The following LRBA variants were observed in gnomAD, a reference collection of about 807,000 sequenced individuals.
The protein encoded by LRBA is lipopolysaccharide-responsive and beige-like anchor protein.
LRBA carries 176 observed loss-of-function variants against 330.0 expected under a neutral mutation model. The ratio of observed to expected loss-of-function variants is 0.53; its 90% CI spans 0.47 to 0.60. LRBA has a LOEUF of 0.60. LRBA is among the 20% of genes least tolerant of loss of function. The pLI is 0.00. For missense variants in LRBA, 3,259 were observed against 3,444.8 expected (o/e 0.95, Z 1.35); for synonymous variants, 1,230 against 1,193.0 (o/e 1.03, Z -0.64).
At chr4:151,001,076 T>C (rs1044460119) in intron 2 of LRBA, among the ~76,000 whole-genome samples, 11 of 152,030 alleles carry the variant, frequency 7.2e-5, no homozygotes, top group Admixed American at 3.3e-4. Context: ...CTGAGGAAAA[T>C]TGCACTGGGT....
At chr4:150,370,551 G>A (rs1053645945) in intron 47 of LRBA, among the ~76,000 whole-genome samples, 4 of 152,176 alleles carry the variant, frequency 2.6e-5, no homozygotes, top group Admixed American at 2.6e-4. Context: ...GAATGAATAG[G>A]TGGAGCATAA....
intron 36 of LRBA, chr4:150,721,407 G>A (rs188352389): frequency 2.9e-4 from 88 of 302,280 alleles, no homozygotes; most frequent in African/African-American, 1.7e-3. Context: ...CGAAGTCAAA[G>A]TTATAACATA....
At chr4:150,820,949 A>G (rs944951197) in intron 30 of LRBA, among the ~76,000 whole-genome samples, 2 of 152,104 alleles carry the variant, frequency 1.3e-5, no homozygotes, top group African/African-American at 4.8e-5. Flanking sequence ...TAAGCATTTA[A>G]TATTACCTTT....
At chr4:150,355,019 AAACT>A (rs1737651831) in intron 47 of LRBA, among the ~76,000 whole-genome samples, 1 of 151,988 alleles carries the variant, frequency 6.6e-6, no homozygotes, top group African/African-American at 2.4e-5. Flanking sequence ...TGCTTTCCTG[AAACT>A]AACTCACTTA....
In LRBA at chr4:150,883,081, ACTGTG is replaced by A. The variant is rs1728577211; in HGVS notation, c.2165+9966_2165+9970del. ...CCCCCTCCAATTTTCTCCACTTGAG[ACTGTG>A]CTTACACCCCCATTTAACTTTCAGT... On this transcript the variant is annotated intron_variant, in intron 17 of 56. Transcript: ENST00000651943. 3.3e-5 allele frequency among the ~76,000 whole-genome samples: 5 copies of A among 152,252 alleles called. 1 individual carries two copies. The South Asian group carries it at 1.0e-3, about 32-fold the overall frequency.
At chr4:150,622,684 C>T (rs1776414137) in intron 37 of LRBA, among the ~76,000 whole-genome samples, 1 of 120,962 alleles carries the variant, frequency 8.3e-6, no homozygotes, top group Non-Finnish European at 1.6e-5. Context: ...TCACCTAAAT[C>T]AATCTTTTTT....
chr4:151,003,396 C>CAA (rs55783969), intron 2 of LRBA, among the ~76,000 whole-genome samples: 1 of 88,976 alleles, frequency 1.1e-5, no homozygotes, highest in African/African-American at 4.1e-5. Context: ...GATTCGGTTT[C>CAA]AAAAAAAAAA....
At chr4:150,693,456 T>G (rs1359553244) in intron 36 of LRBA, among the ~76,000 whole-genome samples, 1 of 142,666 alleles carries the variant, frequency 7.0e-6, no homozygotes. Context: ...CCCAGCTACT[T>G]GGGAGGCTGA....
At chr4:150,805,174 A>G (rs1311335798) in intron 33 of LRBA, among the ~76,000 whole-genome samples, 1 of 147,508 alleles carries the variant, frequency 6.8e-6, no homozygotes, top group East Asian at 2.0e-4. Context: ...CGCAAAAAGA[A>G]AAAAAAAAGG....
intron 22 of LRBA, among the ~76,000 whole-genome samples, chr4:150,858,622 C>T (rs1167875309): frequency 1.3e-5 from 2 of 152,126 alleles, no homozygotes; most frequent in East Asian, 3.8e-4. Flanking sequence ...TTCAGCATCC[C>T]GTATTCAAGT....
chr4:150,754,550 A>AG (rs1287636573), intron 35 of LRBA, among the ~76,000 whole-genome samples: 1 of 146,762 alleles, frequency 6.8e-6, no homozygotes, highest in Non-Finnish European at 1.5e-5. Context: ...AAAGAGAGAG[A>AG]GAGAGATAAA....
At chr4:150,493,861 G>T (rs1271468597) in intron 40 of LRBA, among the ~76,000 whole-genome samples, 1 of 152,108 alleles carries the variant, frequency 6.6e-6, no homozygotes, top group Non-Finnish European at 1.5e-5. Context: ...GCTGAGCTTT[G>T]GGAGGCCAAG....
chr4:150,558,190 C>A (rs562248091), intron 40 of LRBA, among the ~76,000 whole-genome samples: 1 of 152,072 alleles, frequency 6.6e-6, no homozygotes, highest in Non-Finnish European at 1.5e-5. Flanking sequence ...TGAGCCACAG[C>A]GCCCGGCCCC....
In LRBA at chr4:150,857,159, C is replaced by A. The variant is rs565411735; in HGVS notation, c.2767-4216G>T. ...TGTTAACTTCTGATTAAGTTACCAA[C>A]CTTTGATAAATAAGATATATCTTTA... is the stretch of plus-strand genomic sequence containing the variant. On this transcript the variant is annotated intron_variant, in intron 22 of 56. Coordinates refer to ENST00000651943, the MANE Select transcript of LRBA (RefSeq NM_001364905.1). Among the ~76,000 whole-genome samples the A allele has an allele frequency of 2.0e-3, 298 of 152,134 alleles. 1 individual carries two copies. Among genetic ancestry groups the A allele is most frequent in the African/African-American group, 4.4e-3 (182 of 41,546 alleles).
intron 37 of LRBA, among the ~76,000 whole-genome samples, chr4:150,646,981 A>G (rs1382259530): frequency 6.6e-6 from 1 of 152,162 alleles, no homozygotes; most frequent in Non-Finnish European, 1.5e-5. Flanking sequence ...ATGTGTTTAT[A>G]TAAAGCATAG....
intron 40 of LRBA, among the ~76,000 whole-genome samples, chr4:150,541,857 T>A (rs189298251): frequency 1.3e-4 from 20 of 151,510 alleles, no homozygotes; most frequent in Admixed American, 2.7e-4. Flanking sequence ...TTAAAAAAAA[T>A]TTTTTTTTGT....
At chr4:150,454,107 C>T (rs1033789070) in intron 44 of LRBA, among the ~76,000 whole-genome samples, 4 of 151,952 alleles carry the variant, frequency 2.6e-5, no homozygotes, top group East Asian at 1.9e-4. Context: ...ATTACAGGCA[C>T]GCACCACCAC....
intron 40 of LRBA, among the ~76,000 whole-genome samples, chr4:150,567,721 CA>C (rs957286065): frequency 6.6e-6 from 1 of 152,072 alleles, no homozygotes; most frequent in Non-Finnish European, 1.5e-5. Flanking sequence ...TTGAGTTTTG[CA>C]AGACTTTCAC....
rs538121218 is a variant in LRBA at position 150,828,257 on chromosome 4, G to A, written c.5094C>T (p.Ala1698=). 20 of 1,614,126 alleles carry A rather than the reference G, an allele frequency of 1.2e-5. No individual in the cohort carries two copies. The South Asian group carries it at 1.4e-4, about 12-fold the overall frequency. ...IPADGVTVDP[A]LLPPACLGAL... is the part of the protein sequence containing the mutation. ...CTCCAAGGCAGGCTGGTGGCAGAAG[G>A]GCAGGATCCACTGTGACTCCATCTG... The change falls in exon 30 of 57, where the codon GCC becomes GCT. Residue 1698 remains alanine (A), a synonymous_variant. Transcript: ENST00000651943.
Sources: allele counts gnomAD v4.1 joint callset (sites outside exome capture counted in the v4.1 genomes callset), GRCh38; gene constraint gnomAD v4.1.1; transcripts MANE v1.5; gene names NCBI Gene and HGNC (gene_info 2026-07-23, HGNC 2026-07-21).